Variants in USP47 observed in about 807,000 individuals in gnomAD.
USP47 encodes the protein ubiquitin carboxyl-terminal hydrolase 47.
Under a neutral mutation model 165.1 loss-of-function variants are expected in USP47, and 35 were observed. The ratio of observed to expected loss-of-function variants is 0.21; its 90% confidence interval spans 0.16 to 0.28. The LOEUF (loss-of-function observed/expected upper bound fraction) is 0.28. Among genes scored for constraint, USP47 ranks in the 10% least tolerant of loss-of-function variants. The pLI is 1.00. For synonymous variants in USP47, 531 were observed against 544.5 expected (o/e 0.98, Z 0.35); for missense variants, 1,277 against 1,607.4 (o/e 0.79, Z 3.52).
intron 1 of USP47, among the ~76,000 whole-genome samples, chr11:11,843,223 G>A (rs553117433): frequency 7.2e-5 from 11 of 152,230 alleles, no homozygotes; most frequent in African/African-American, 2.6e-4. Flanking sequence ...TTGTTTTGTA[G>A]CAATTCTTTG....
In USP47 at chr11:11,867,752, A is replaced by T. The variant is rs1849775540; in HGVS notation, c.40-12425A>T. ...CATTTTTCTTATACTTATGAAAATA[A>T]TTTTTGTGGAAATTAGTTGCACTTT... On this transcript the variant is annotated intron_variant, in intron 1 of 27. Transcript: ENST00000527733. 2.0e-5 allele frequency among the ~76,000 whole-genome samples: 3 copies of T among 152,198 alleles called. No individual in the cohort carries two copies. The South Asian group carries it at 6.2e-4, about 32-fold the overall frequency.
chr11:11,891,395 A>G (rs1225113242), intron 3 of USP47, among the ~76,000 whole-genome samples: 2 of 152,228 alleles, frequency 1.3e-5, no homozygotes, highest in African/African-American at 4.8e-5. Context: ...GTAACAGAAT[A>G]TGCTCTCTGA....
intron 11 of USP47, among the ~76,000 whole-genome samples, chr11:11,927,361 G>A (rs564076740): frequency 9.2e-5 from 14 of 152,084 alleles, no homozygotes; most frequent in African/African-American, 3.4e-4. Flanking sequence ...GAGCTTCCAG[G>A]TCTGTTGCTT....
rs1299361681 is a variant in USP47, at chr11:11,920,227, TAAG to T, written c.1048_1050del (p.Lys350del). On this transcript the variant is annotated inframe_deletion, in exon 9 of 28. Transcript: ENST00000527733. ...CAAATCAGTATTTTTGTGAACGTTGTAAGAAGAAGTGTGATGCACGGAAGGTAA... is the reference window on the plus strand; with the variant it reads ...CAAATCAGTATTTTTGTGAACGTTGTAAGAAGTGTGATGCACGGAAGGTAA... The T allele has an allele frequency of 5.6e-6, 9 of 1,609,530 alleles. No individual in the cohort carries two copies. The highest frequency in any genetic ancestry group is 2.5e-6 in the Non-Finnish European group (3 of 1,177,618).
rs116523808 is a variant in USP47 at position 11,930,497 on chromosome 11, C to A, written c.1596-199C>A. ...TTTACTGTATTACCAAGAGGAGATA[C>A]GGAATCTTCTCTAAATGTGATAAGA... On this transcript the variant is annotated intron_variant, in intron 13 of 27. Coordinates refer to ENST00000527733, the MANE Select transcript of USP47 (RefSeq NM_001282659.2). Among the ~76,000 whole-genome samples the A allele has an allele frequency of 4.0e-3, 601 of 152,102 alleles. 5 individuals are homozygous for A. Among genetic ancestry groups the A allele is most frequent in the African/African-American group, 0.014 (585 of 41,488 alleles).
chr11:11,946,941 T>A (rs1163839032), intron 20 of USP47, among the ~76,000 whole-genome samples: 1 of 152,170 alleles, frequency 6.6e-6, no homozygotes, highest in Non-Finnish European at 1.5e-5. Flanking sequence ...AACCCAAGTG[T>A]TGATATGACA....
chr11:11,938,038 C>T (rs1855201240), intron 17 of USP47, among the ~76,000 whole-genome samples: 1 of 151,896 alleles, frequency 6.6e-6, no homozygotes, highest in Non-Finnish European at 1.5e-5. Context: ...AACAAGGTGG[C>T]TTAATAAGGG....
At chr11:11,905,657 T>C (rs1012679112) in intron 8 of USP47, 109 bp downstream of exon 8, 47 of 1,113,742 alleles carry the variant, frequency 4.2e-5, no homozygotes, top group South Asian at 1.5e-4. Flanking sequence ...CCTTCTTGGG[T>C]TGTTAGTCAT....
intron 1 of USP47, among the ~76,000 whole-genome samples, chr11:11,877,409 A>G (rs868299331): frequency 6.6e-6 from 1 of 152,058 alleles, no homozygotes; most frequent in Admixed American, 6.6e-5. Flanking sequence ...AGAGCTTTAA[A>G]GAAGAGCAGA....
intron 1 of USP47, among the ~76,000 whole-genome samples, chr11:11,858,960 G>A (rs1849221418): frequency 6.6e-6 from 1 of 152,278 alleles, no homozygotes; most frequent in African/African-American, 2.4e-5. Context: ...TACCGTTTGT[G>A]CATTCTAGAC....
rs576441064 is a variant in USP47 at position 11,920,173 on chromosome 11, A to C, written c.987A>C (p.Ala329=). The C allele has an allele frequency of 6.2e-7, 1 of 1,600,186 alleles. No individual in the cohort carries two copies. Among genetic ancestry groups the C allele is most frequent in the African/African-American group, 1.3e-5 (1 of 74,488 alleles). ...CTAACTAGGAAGAAGCATTGCATGCATTTATTCAGCCAGAGATTCTGGATG... is the reference window on the plus strand; with the variant it reads ...CTAACTAGGAAGAAGCATTGCATGCCTTTATTCAGCCAGAGATTCTGGATG... The part of the protein sequence containing the change: ...AFASVEEALH[A]FIQPEILDGP... The change falls in exon 9 of 28, where the codon GCA becomes GCC. Residue 329 remains alanine (A), a synonymous_variant. Coordinates refer to ENST00000527733, the MANE Select transcript of USP47 (RefSeq NM_001282659.2).
In USP47 at chr11:11,917,348, A is replaced by G. The variant is rs72857617; in HGVS notation, c.970-2808A>G. The stretch of plus-strand genomic sequence containing the variant: ...TCATTGGGTATTATATCCATGAGCC[A>G]TTGAGGAGTTCATTAGAGGATGAGC... On this transcript the variant is annotated intron_variant, in intron 8 of 27. Transcript: ENST00000527733. Among the ~76,000 whole-genome samples, 197 of 152,278 alleles carry G rather than the reference A, an allele frequency of 1.3e-3. 2 individuals are homozygous for G. Among genetic ancestry groups the G allele is most frequent in the Non-Finnish European group, 2.2e-3 (149 of 68,016 alleles).
intron 1 of USP47, among the ~76,000 whole-genome samples, chr11:11,862,024 CTTT>C (rs35753812): frequency 7.1e-6 from 1 of 140,212 alleles, no homozygotes. Flanking sequence ...GGTACAAAGT[CTTT>C]TTTTTTTTTT....
chr11:11,909,547 A>G (rs763012182), intron 8 of USP47, among the ~76,000 whole-genome samples: 3 of 152,194 alleles, frequency 2.0e-5, no homozygotes, highest in African/African-American at 4.8e-5. Flanking sequence ...TTTATTTAAC[A>G]GTAAAATTTT....
At chr11:11,899,567 G>A (rs571520600) in intron 5 of USP47, among the ~76,000 whole-genome samples, 59 of 152,182 alleles carry the variant, frequency 3.9e-4, no homozygotes, top group African/African-American at 1.3e-3. Flanking sequence ...GAGAAGAGGA[G>A]GGGAGGGTCA....
Position 11,865,079 on chromosome 11 carries a change from T to C in USP47, c.40-15098T>C, listed in dbSNP as rs545462972. On this transcript the variant is annotated intron_variant, in intron 1 of 27. Transcript: ENST00000527733. ...TTCCCCTAAATACTTGCAAAAATCT[T>C]TCTCTTTGTCTTTAGTTCTTAAGGG... Among the ~76,000 whole-genome samples the C allele has an allele frequency of 2.6e-5, 4 of 152,292 alleles. No individual in the cohort carries two copies. The South Asian group carries it at 8.3e-4, about 32-fold the overall frequency.
At chr11:11,902,154 G>A (rs1015202576) in intron 5 of USP47, among the ~76,000 whole-genome samples, 9 of 151,996 alleles carry the variant, frequency 5.9e-5, no homozygotes, top group South Asian at 2.1e-4. Flanking sequence ...CCCTGATTGC[G>A]TCATTTAACA....
intron 27 of USP47, 54 bp downstream of exon 27, chr11:11,955,218 C>G: frequency 6.4e-7 from 1 of 1,571,376 alleles, no homozygotes. Flanking sequence ...GGCGTGCATA[C>G]ATATCTTATT....
intron 3 of USP47, among the ~76,000 whole-genome samples, chr11:11,891,658 A>G (rs1022101163): frequency 6.6e-6 from 1 of 152,216 alleles, no homozygotes. Flanking sequence ...GAAACTATCC[A>G]TCTCACCAAC....
Sources: allele counts gnomAD v4.1 joint callset (sites outside exome capture counted in the v4.1 genomes callset), GRCh38; gene constraint gnomAD v4.1.1; transcripts MANE v1.5; gene names NCBI Gene and HGNC (gene_info 2026-07-23, HGNC 2026-07-21).